Variants in PACSIN1 observed in about 807,000 individuals in gnomAD.
PACSIN1 encodes protein kinase C and casein kinase substrate in neurons protein 1.
PACSIN1 carries 15 observed loss-of-function variants against 59.5 expected under a neutral mutation model. The observed-to-expected ratio is 0.25, with a 90% CI of 0.17 to 0.39. The LOEUF (loss-of-function observed/expected upper bound fraction) is 0.39. Among genes scored for constraint, PACSIN1 ranks in the 10% least tolerant of loss-of-function variants. The pLI, the probability that PACSIN1 is intolerant of heterozygous loss-of-function variation, is 1.00. For missense variants in PACSIN1, 420 were observed against 580.2 expected (o/e 0.72, Z 2.84); for synonymous variants, 210 against 220.6 (o/e 0.95, Z 0.42).
At chr6:34,471,871 C>T (rs1402847238) in intron 1 of PACSIN1, among the ~76,000 whole-genome samples, 4 of 152,136 alleles carry the variant, frequency 2.6e-5, no homozygotes, top group East Asian at 1.9e-4. Flanking sequence ...GCTGTGATTT[C>T]GGGCAGTTGT....
intron 1 of PACSIN1, among the ~76,000 whole-genome samples, chr6:34,495,759 G>A (rs1034890198): frequency 1.3e-5 from 2 of 152,172 alleles, no homozygotes; most frequent in African/African-American, 4.8e-5. Context: ...AGCCAGGAAT[G>A]TGTATTTTTT....
intron 1 of PACSIN1, among the ~76,000 whole-genome samples, chr6:34,490,629 C>T (rs1477240119): frequency 6.6e-6 from 1 of 152,222 alleles, no homozygotes; most frequent in Non-Finnish European, 1.5e-5. Flanking sequence ...AACTGCAGCT[C>T]CAACTAGCAG....
chr6:34,483,979 G>A (rs1766758086), intron 1 of PACSIN1, among the ~76,000 whole-genome samples: 1 of 152,126 alleles, frequency 6.6e-6, no homozygotes, highest in East Asian at 1.9e-4. Context: ...TGCCCCAGCT[G>A]AGAGAGGGGA....
rs778049841 is a variant in PACSIN1 at position 34,530,119 on chromosome 6, G to C, written c.789-124G>C. ...GAGCTTATTCTTGCAAAGCCCACATGATTCCTGGCTGGGCAGCATGCCCAG... is the reference window on the plus strand; with the variant it reads ...GAGCTTATTCTTGCAAAGCCCACATCATTCCTGGCTGGGCAGCATGCCCAG... On this transcript the variant is annotated intron_variant, in intron 6 of 9. Transcript: ENST00000244458. The surrounding 1 kb of genome is among the most constrained non-coding windows in gnomAD (Gnocchi z 4.4). The C allele has an allele frequency of 7.5e-6, 10 of 1,335,384 alleles. No individual in the cohort carries two copies. The highest frequency in any genetic ancestry group is 1.0e-5 in the Non-Finnish European group (10 of 991,864). The allele number at this position is 1,335,384 out of a possible 1,614,324, so 82.7% of individuals were successfully genotyped here. A position where few individuals can be genotyped will look rare whatever the true frequency, so the allele number is the denominator to read the frequency against.
Position 34,530,408 on chromosome 6 carries a change from A to C in PACSIN1, c.909+45A>C. 6.2e-7 allele frequency: 1 copy of C among 1,605,560 alleles called. No homozygotes were observed. Among genetic ancestry groups the C allele is most frequent in the Non-Finnish European group, 8.5e-7 (1 of 1,173,998 alleles). ...GGAAGGGGAGCCTGAAGAGGCTGAA[A>C]GGTGCCTCAGGGCATAGTCCCCCAG... On this transcript the variant is annotated intron_variant, in intron 7 of 9. Transcript: ENST00000244458. The surrounding 1 kb of genome is among the most constrained non-coding windows in gnomAD (Gnocchi z 4.4).
chr6:34,490,136 C>G (rs761618314), intron 1 of PACSIN1, among the ~76,000 whole-genome samples: 2 of 151,654 alleles, frequency 1.3e-5, no homozygotes, highest in African/African-American at 2.4e-5. Flanking sequence ...ATGGCAGCCT[C>G]GACCTCTGGG....
chr6:34,491,368 T>C (rs986296698), intron 1 of PACSIN1, among the ~76,000 whole-genome samples: 6 of 152,068 alleles, frequency 3.9e-5, no homozygotes, highest in African/African-American at 1.4e-4. Context: ...TGCAGTGCGG[T>C]CCCTTCCCTG....
rs547435646 is a variant in PACSIN1 at position 34,487,478 on chromosome 6, G to T, written c.-64+21208G>T. On this transcript the variant is annotated intron_variant, in intron 1 of 9. Coordinates refer to ENST00000244458, the MANE Select transcript of PACSIN1 (RefSeq NM_020804.5). The stretch of plus-strand genomic sequence containing the variant: ...CCTTCTCTACCACTGTGTAGTTGGC[G>T]TAGGTCTAGTTTCTGGAAAATACTC... Among the ~76,000 whole-genome samples the T allele has an allele frequency of 9.2e-5, 14 of 152,256 alleles. No homozygotes were observed. In the East Asian group the frequency reaches 1.5e-3, roughly 17 times the overall value.
At chr6:34,502,446 A>G (rs1767038549) in intron 1 of PACSIN1, among the ~76,000 whole-genome samples, 1 of 150,770 alleles carries the variant, frequency 6.6e-6, no homozygotes, top group Non-Finnish European at 1.5e-5. Flanking sequence ...AAGTCATGTA[A>G]ATGAAGAAGC....
At chr6:34,492,418 T>C (rs1441218430) in intron 1 of PACSIN1, among the ~76,000 whole-genome samples, 1 of 149,740 alleles carries the variant, frequency 6.7e-6, no homozygotes, top group Admixed American at 6.6e-5. Flanking sequence ...AGTTTCGCTC[T>C]TGTTGCCCAG....
intron 1 of PACSIN1, among the ~76,000 whole-genome samples, chr6:34,478,554 G>A (rs1157159813): frequency 6.6e-6 from 1 of 150,444 alleles, no homozygotes; most frequent in Non-Finnish European, 1.5e-5. Flanking sequence ...TGTATTTTTA[G>A]TAAAGATGGG....
At chr6:34,497,116 T>C (rs1204919493) in intron 1 of PACSIN1, among the ~76,000 whole-genome samples, 1 of 151,448 alleles carries the variant, frequency 6.6e-6, no homozygotes, top group African/African-American at 2.4e-5. Flanking sequence ...ACCTGGCTGA[T>C]TTTTTTTATT....
chr6:34,481,447 C>A (rs1456191209), intron 1 of PACSIN1, among the ~76,000 whole-genome samples: 4 of 152,116 alleles, frequency 2.6e-5, no homozygotes, highest in East Asian at 1.9e-4. Context: ...CTTAGGGAGG[C>A]CGAGGCGGGA....
At chr6:34,498,189 G>C (rs1211392936) in intron 1 of PACSIN1, among the ~76,000 whole-genome samples, 2 of 152,060 alleles carry the variant, frequency 1.3e-5, no homozygotes, top group African/African-American at 2.4e-5. Context: ...AGCCTCCCAA[G>C]TAGCTGGGAC....
At chr6:34,470,023 G>A (rs1766549524) in intron 1 of PACSIN1, among the ~76,000 whole-genome samples, 1 of 152,210 alleles carries the variant, frequency 6.6e-6, no homozygotes, top group Non-Finnish European at 1.5e-5. Context: ...TTTCCAGCCA[G>A]GGGCAGGGTG....
At chr6:34,505,527 CT>C (rs35006388) in intron 1 of PACSIN1, among the ~76,000 whole-genome samples, 1,549 of 108,926 alleles carry the variant, frequency 0.014, 24 homozygotes, top group African/African-American at 0.046. Flanking sequence ...CCTTTTCTTT[CT>C]TTTTTTTTTT....
Position 34,528,893 on chromosome 6 carries a change from T to TGGTTGGGGGGGGG in PACSIN1, c.456+17_456+18insGTTGGGGGGGGGG. 2.2e-6 allele frequency: 1 copy of TGGTTGGGGGGGGG among 451,856 alleles called. No individual in the cohort carries two copies. Among genetic ancestry groups the TGGTTGGGGGGGGG allele is most frequent in the Admixed American group, 2.5e-5 (1 of 40,702 alleles). 28.0% of individuals were successfully genotyped at this position (451,856 alleles called of 1,614,324 possible). A position where few individuals can be genotyped will look rare whatever the true frequency, so the allele number is the denominator to read the frequency against. ...GATGAAGGAGGTGCTCAGTGGGTGC[T>TGGTTGGGGGGGGG]GCCACGGGCGGGGTGGGGTGGGCCC... On this transcript the variant is annotated intron_variant, in intron 4 of 9. Coordinates refer to ENST00000244458, the MANE Select transcript of PACSIN1 (RefSeq NM_020804.5).
At chr6:34,522,662 C>A (rs746925133) in intron 1 of PACSIN1, among the ~76,000 whole-genome samples, 1 of 152,292 alleles carries the variant, frequency 6.6e-6, no homozygotes, top group Non-Finnish European at 1.5e-5. Flanking sequence ...CCATGTTACG[C>A]TGTCTGTGAG....
At chr6:34,472,311 A>G (rs1005601823) in intron 1 of PACSIN1, among the ~76,000 whole-genome samples, 2 of 147,220 alleles carry the variant, frequency 1.4e-5, no homozygotes, top group African/African-American at 2.5e-5. Context: ...TGTGTGTAGT[A>G]TGATACAATT....
Sources: gnomAD v4.1 joint callset for allele counts (sites outside exome capture counted in the v4.1 genomes callset) on GRCh38, gnomAD v4.1.1 for gene constraint, Gnocchi (gnomAD v3.1) non-coding constraint, MANE v1.5 for transcripts, NCBI Gene and HGNC (gene_info 2026-07-23, HGNC 2026-07-21) for gene names.